CENPE: variants seen among roughly 807,000 people sequenced by gnomAD.
The protein encoded by CENPE is centromere-associated protein E.
CENPE carries 145 observed loss-of-function variants against 336.1 expected under a neutral mutation model. The observed-to-expected ratio is 0.43, with a 90% CI of 0.38 to 0.50. CENPE has a LOEUF of 0.50. CENPE is among the 20% of genes least tolerant of loss of function. The pLI, the probability that CENPE is intolerant of heterozygous loss-of-function variation, is 0.00. For missense variants in CENPE, 2,719 were observed against 3,023.3 expected, an observed-to-expected ratio of 0.90 and a Z score of 2.36; for synonymous variants, 1,013 against 984.8, an observed-to-expected ratio of 1.03 and a Z score of -0.54.
intron 32 of CENPE, 21 bp downstream of exon 32, chr4:103,145,029 A>G: frequency 2.0e-6 from 3 of 1,485,624 alleles, no homozygotes; most frequent in Admixed American, 2.3e-5. Flanking sequence ...CAAAAAAAAA[A>G]AAAATAAGAT....
At chr4:103,118,600 G>C (rs1182406683) in intron 44 of CENPE, among the ~76,000 whole-genome samples, 1 of 151,976 alleles carries the variant, frequency 6.6e-6, no homozygotes, top group East Asian at 1.9e-4. Context: ...TTAAAAAATC[G>C]CCAAACCCAA....
At position 103,147,625 on chromosome 4, in the gene CENPE, G is replaced by C; in HGVS notation, c.3865C>G (p.Gln1289Glu). The C allele has an allele frequency of 6.2e-7, 1 of 1,611,968 alleles. No homozygotes were observed. The highest frequency in any genetic ancestry group is 8.5e-7 in the Non-Finnish European group (1 of 1,179,824). Residue 1289 changes from glutamine to glutamate, a missense_variant, in exon 29 of 49, where the codon CAA (glutamine) becomes GAA (glutamate). Transcript: ENST00000265148. ...QEEIPVLHEE[Q>E]ELLPNVKEVS... ...TCTTTCACATTAGGCAGTAACTCTT[G>C]TTCCTCATGAAGCACTGGGATCTTA...
chr4:103,157,919 A>G (rs1754092738), intron 24 of CENPE, among the ~76,000 whole-genome samples: 1 of 151,946 alleles, frequency 6.6e-6, no homozygotes, highest in Non-Finnish European at 1.5e-5. Flanking sequence ...TTACCAATAT[A>G]TCTTAGAGGT....
chr4:103,187,625 C>A (rs1177672784), intron 8 of CENPE, among the ~76,000 whole-genome samples: 1 of 151,684 alleles, frequency 6.6e-6, no homozygotes, highest in African/African-American at 2.4e-5. Context: ...ACCAGGCCTG[C>A]CTTACAAGAG....
chr4:103,179,473 A>T (rs1756153277), intron 13 of CENPE, among the ~76,000 whole-genome samples: 1 of 152,200 alleles, frequency 6.6e-6, no homozygotes, highest in Non-Finnish European at 1.5e-5. Context: ...ATTCTTCTCT[A>T]GGTCTTTCAT....
chr4:103,178,743 C>A (rs1435028016), intron 13 of CENPE, among the ~76,000 whole-genome samples: 1 of 152,150 alleles, frequency 6.6e-6, no homozygotes, highest in African/African-American at 2.4e-5. Flanking sequence ...TATTCTCTCC[C>A]CTTAGCTACC....
At chr4:103,157,526 G>A (rs758451547) in intron 24 of CENPE, among the ~76,000 whole-genome samples, 6 of 152,006 alleles carry the variant, frequency 3.9e-5, no homozygotes, top group African/African-American at 7.2e-5. Flanking sequence ...GGTACTCAGA[G>A]TAGTCAAATT....
At chr4:103,197,608 C>T (rs547635215) in intron 1 of CENPE, among the ~76,000 whole-genome samples, 1 of 152,330 alleles carries the variant, frequency 6.6e-6, no homozygotes, top group African/African-American at 2.4e-5. Flanking sequence ...GTTAGCATTT[C>T]GGGTCGAGGG....
At chr4:103,194,727 C>A in intron 5 of CENPE, 43 bp from the exon 6 acceptor site, 2 of 1,480,250 alleles carry the variant, frequency 1.4e-6, no homozygotes, top group South Asian at 2.5e-5. Context: ...AAATAGAAGT[C>A]ACAAGTTTGC....
In CENPE at chr4:103,185,810, C is replaced by T. The variant is rs993799620; in HGVS notation, c.745G>A (p.Gly249Ser). Residue 249 changes from glycine (G) to serine (S), a missense_variant and splice_region_variant, in exon 9 of 49, where the codon GGT (glycine) becomes AGT (serine). This residue lies in a region of CENPE where 117 missense variants were observed against 215.8 expected (regional missense o/e 0.54). Transcript: ENST00000265148. ...SERAAQTGAA[G>S]VRLKEGCNIN... ...AACATATTTCATGAGTTTTAATTACCTGCAGCGCCTGTTTGAGCAGCTCTT... is the reference window on the plus strand; with the variant it reads ...AACATATTTCATGAGTTTTAATTACTTGCAGCGCCTGTTTGAGCAGCTCTT... 2 of 1,605,548 alleles carry T rather than the reference C, an allele frequency of 1.2e-6. No homozygotes were observed. Among genetic ancestry groups the T allele is most frequent in the African/African-American group, 1.3e-5 (1 of 74,776 alleles).
At chr4:103,168,326 T>C (rs1048220812) in intron 16 of CENPE, among the ~76,000 whole-genome samples, 2 of 152,146 alleles carry the variant, frequency 1.3e-5, no homozygotes, top group Non-Finnish European at 2.9e-5. Context: ...TTTCCCATAA[T>C]AGATCCTAAA....
chr4:103,128,014 T>C (rs1751274352), intron 42 of CENPE, among the ~76,000 whole-genome samples: 1 of 152,158 alleles, frequency 6.6e-6, no homozygotes, highest in Non-Finnish European at 1.5e-5. Flanking sequence ...GCTGACTGTA[T>C]GTTGTCTACA....
intron 35 of CENPE, 127 bp downstream of exon 35, chr4:103,141,623 G>T: frequency 1.6e-6 from 1 of 617,182 alleles, no homozygotes. Flanking sequence ...GCCTCAGGCA[G>T]GCTACATCCA....
intron 47 of CENPE, among the ~76,000 whole-genome samples, 186 bp from the exon 48 acceptor site, chr4:103,109,275 A>G (rs1215468359): frequency 6.6e-6 from 1 of 152,202 alleles, no homozygotes; most frequent in Non-Finnish European, 1.5e-5. Context: ...CAAAGTTCAG[A>G]AAACAAAATG....
chr4:103,149,387 G>A lies in CENPE; in HGVS notation c.3418C>T (p.Gln1140Ter). The change falls in exon 27 of 49, where the codon CAG becomes TAG. Residue 1140 changes from glutamine to a stop codon, truncating the protein, a stop_gained. Coordinates refer to ENST00000265148, the MANE Select transcript of CENPE (RefSeq NM_001813.3). LOFTEE classifies it high-confidence loss of function. ...TCTTGTACATTAAGAAGTTGTTGCTGTTTTTCTTGGAGTTGCTGGCTCTTA... is the reference window on the plus strand; with the variant it reads ...TCTTGTACATTAAGAAGTTGTTGCTATTTTTCTTGGAGTTGCTGGCTCTTA... ...KEKSQQLQEK[Q>*]QQLLNVQEEM... is the part of the protein sequence containing the mutation. 6.4e-7 allele frequency: 1 copy of A among 1,565,938 alleles called. No homozygotes were observed. The highest frequency in any genetic ancestry group is 8.6e-7 in the Non-Finnish European group (1 of 1,162,790).
At chr4:103,122,214 T>C (rs939364905) in intron 43 of CENPE, among the ~76,000 whole-genome samples, 6 of 152,192 alleles carry the variant, frequency 3.9e-5, no homozygotes, top group African/African-American at 1.2e-4. Context: ...TGGTGGTTGA[T>C]GTTTTATTAT....
chr4:103,192,333 C>T (rs1757426845), intron 8 of CENPE, among the ~76,000 whole-genome samples: 2 of 152,248 alleles, frequency 1.3e-5, no homozygotes, highest in Middle Eastern at 3.4e-3. Flanking sequence ...TTCAAAGATA[C>T]TCAGAGGCCC....
Position 103,158,694 on chromosome 4 carries a change from C to A in CENPE, c.2794G>T (p.Asp932Tyr). The A allele has an allele frequency of 6.2e-7, 1 of 1,612,658 alleles. No individual in the cohort carries two copies. The highest frequency in any genetic ancestry group is 8.5e-7 in the Non-Finnish European group (1 of 1,179,298). The change falls in exon 23 of 49, where the codon GAT becomes TAT. Residue 932 changes from aspartate to tyrosine, a missense_variant. By Grantham distance (160) the Asp-to-Tyr change is radical. Transcript: ENST00000265148. ...EEVKTLTQEK[D>Y]DLKQLQESLQ... The stretch of plus-strand genomic sequence containing the variant: ...CTTTCTTGGAGTTGTTTTAGATCAT[C>A]TTTTTCTTGAGTTAAAGTTTTTACT...
intron 44 of CENPE, 65 bp downstream of exon 44, chr4:103,120,083 T>C (rs1750477963): frequency 8.6e-7 from 1 of 1,168,008 alleles, no homozygotes; most frequent in Non-Finnish European, 1.2e-6. Context: ...ACAAGGAGAT[T>C]TGCTGAATTC....
Sources: gnomAD v4.1 joint callset for allele counts (sites outside exome capture counted in the v4.1 genomes callset) on GRCh38, gnomAD v4.1.1 for gene constraint, gnomAD v4.1.1 regional missense constraint, MANE v1.5 for transcripts, NCBI Gene and HGNC (gene_info 2026-07-23, HGNC 2026-07-21) for gene names.